The following C2orf76 variants were observed in gnomAD, a reference collection of about 807,000 sequenced individuals.
C2orf76 encodes the protein chromosome 2 open reading frame 76.
In C2orf76, 23 loss-of-function variants were observed where a neutral mutation model predicts 16.9. The ratio of observed to expected loss-of-function variants is 1.36; its 90% CI spans 0.98 to 1.93. The LOEUF (loss-of-function observed/expected upper bound fraction) is 1.93, where lower values mean the gene tolerates loss of function less well. C2orf76 is among the 30% of genes most tolerant of loss of function. The probability of loss-of-function intolerance (pLI) is 0.00; values close to 1 mark genes in which losing one functional copy is unlikely to be tolerated. For synonymous variants in C2orf76, 48 were observed against 52.3 expected (o/e 0.92, Z 0.35); for missense variants, 152 against 152.6 (o/e 1.00, Z 0.02).
chr2:119,344,794 A>G (rs550783008), intron 1 of C2orf76, among the ~76,000 whole-genome samples: 17 of 152,332 alleles, frequency 1.1e-4, no homozygotes, highest in Middle Eastern at 3.4e-3. Flanking sequence ...AAGCCACGGT[A>G]ATATAAAATC....
At chr2:119,293,169 G>A in the C2orf76 span, among the ~76,000 whole-genome samples, 2 of 152,260 alleles carry the variant, frequency 1.3e-5, no homozygotes, top group Non-Finnish European at 2.9e-5. Flanking sequence ...CATTCTAATA[G>A]CAGAAGACGG....
the C2orf76 span, among the ~76,000 whole-genome samples, chr2:119,292,810 G>A: frequency 5.3e-5 from 8 of 152,250 alleles, no homozygotes; most frequent in Admixed American, 1.3e-4. Context: ...TAAGGCAGGC[G>A]GATCACCTGA....
intron 1 of C2orf76, among the ~76,000 whole-genome samples, chr2:119,352,578 C>G (rs1558796647): frequency 6.6e-6 from 1 of 152,220 alleles, no homozygotes; most frequent in Non-Finnish European, 1.5e-5. Context: ...GCCAGTCAGA[C>G]TATTTCAGTC....
intron 1 of C2orf76, among the ~76,000 whole-genome samples, chr2:119,347,170 T>C (rs1680230323): frequency 6.6e-6 from 1 of 152,126 alleles, no homozygotes; most frequent in Non-Finnish European, 1.5e-5. Context: ...AGCCTCCAGA[T>C]CTCATTCCCA....
At chr2:119,359,230 C>T (rs2104649370) in intron 1 of C2orf76, among the ~76,000 whole-genome samples, 1 of 152,238 alleles carries the variant, frequency 6.6e-6, no homozygotes, top group Non-Finnish European at 1.5e-5. Flanking sequence ...GAGACCTAAT[C>T]CTCAGGAAAA....
At chr2:119,295,638 G>GT in the C2orf76 span, among the ~76,000 whole-genome samples, 1 of 152,112 alleles carries the variant, frequency 6.6e-6, no homozygotes, top group Non-Finnish European at 1.5e-5. Flanking sequence ...ATGGACGACA[G>GT]TTTTTTTCCT....
intron 1 of C2orf76, among the ~76,000 whole-genome samples, chr2:119,342,914 T>TA (rs984754173): frequency 1.1e-4 from 17 of 152,114 alleles, no homozygotes; most frequent in African/African-American, 3.6e-4. Flanking sequence ...GGACTACAGG[T>TA]ACGCGCCACC....
chr2:119,336,034 A>G (rs1210039674), intron 2 of C2orf76, among the ~76,000 whole-genome samples: 6 of 152,220 alleles, frequency 3.9e-5, no homozygotes, highest in Admixed American at 3.9e-4. Flanking sequence ...TTCTGAATCT[A>G]AAAAATACAG....
intron 2 of C2orf76, among the ~76,000 whole-genome samples, 171 bp from the exon 3 acceptor site, chr2:119,321,375 T>C (rs11889039): frequency 0.062 from 9,400 of 152,138 alleles, 1,007 homozygotes; most frequent in African/African-American, 0.22. Context: ...TATTAGTCCA[T>C]TCTCATACCA....
intron 1 of C2orf76, among the ~76,000 whole-genome samples, chr2:119,354,130 T>C (rs997457550): frequency 6.6e-6 from 1 of 152,212 alleles, no homozygotes; most frequent in Non-Finnish European, 1.5e-5. Flanking sequence ...GCTCCCCAAA[T>C]ATGTACAATT....
intron 5 of C2orf76, among the ~76,000 whole-genome samples, chr2:119,304,202 A>C (rs551423109): frequency 2.0e-5 from 3 of 152,340 alleles, no homozygotes; most frequent in Admixed American, 2.0e-4. Context: ...TCAACCTTCT[A>C]ATGAAGAATG....
the C2orf76 span, among the ~76,000 whole-genome samples, chr2:119,289,003 C>T: frequency 2.6e-5 from 4 of 152,046 alleles, no homozygotes; most frequent in Non-Finnish European, 5.9e-5. Context: ...TCAAGCTGCT[C>T]TACTTTCAAG....
chr2:119,293,323 C>A, the C2orf76 span, among the ~76,000 whole-genome samples: 1 of 152,268 alleles, frequency 6.6e-6, no homozygotes, highest in Admixed American at 6.5e-5. Context: ...GGGAGAAAAC[C>A]ATGCAAAAAA....
intron 2 of C2orf76, among the ~76,000 whole-genome samples, chr2:119,329,697 C>T (rs187394117): frequency 3.3e-5 from 5 of 152,112 alleles, no homozygotes; most frequent in Admixed American, 6.5e-5. Flanking sequence ...ACATCTTTAT[C>T]GGTCTACCTC....
intron 1 of C2orf76, among the ~76,000 whole-genome samples, chr2:119,352,607 T>C (rs1680439517): frequency 6.6e-6 from 1 of 152,220 alleles, no homozygotes; most frequent in Non-Finnish European, 1.5e-5. Flanking sequence ...CTGTTTTCTG[T>C]CTATAAATAC....
chr2:119,330,371 G>A (rs1437057782), intron 2 of C2orf76, among the ~76,000 whole-genome samples: 1 of 143,168 alleles, frequency 7.0e-6, no homozygotes, highest in East Asian at 2.0e-4. Context: ...AAAAAAAAAT[G>A]TTAATCCAGT....
chr2:119,304,673 A>C (rs1218954579), intron 5 of C2orf76, among the ~76,000 whole-genome samples: 3 of 152,252 alleles, frequency 2.0e-5, no homozygotes, highest in Non-Finnish European at 2.9e-5. Context: ...CAAATTGGAA[A>C]ACACACAAAT....
chr2:119,339,135 G>A (rs1416290880), intron 2 of C2orf76: 1 of 152,160 alleles, frequency 6.6e-6, no homozygotes, highest in African/African-American at 2.4e-5. Context: ...TGGATATAAA[G>A]CAATACCTTT....
chr2:119,337,055 A>ATT (rs773781304), intron 2 of C2orf76, among the ~76,000 whole-genome samples: 6 of 101,740 alleles, frequency 5.9e-5, no homozygotes, highest in East Asian at 2.2e-4. Flanking sequence ...TTATTTATTT[A>ATT]TTTATTTATT....
Sources: gnomAD v4.1 joint callset for allele counts (sites outside exome capture counted in the v4.1 genomes callset) on GRCh38, gnomAD v4.1.1 for gene constraint, MANE v1.5 for transcripts, NCBI Gene and HGNC (gene_info 2026-07-23, HGNC 2026-07-21) for gene names.